AGBL1: variants seen among roughly 807,000 people sequenced by gnomAD.
AGBL1 encodes AGBL carboxypeptidase 1, also known as cytosolic carboxypeptidase 4.
AGBL1 carries 130 observed loss-of-function variants against 118.9 expected under a neutral mutation model. The observed-to-expected ratio is 1.09, with a 90% CI of 0.95 to 1.26. The LOEUF (loss-of-function observed/expected upper bound fraction) is 1.26. Ranked by LOEUF, AGBL1 falls within the 50% of genes most tolerant of loss-of-function variation. The pLI is 0.00. For missense variants in AGBL1, 1,584 were observed against 1,298.1 expected, an observed-to-expected ratio of 1.22 and a Z score of -3.38; for synonymous variants, 555 against 478.9, an observed-to-expected ratio of 1.16 and a Z score of -2.08.
intron 22 of AGBL1, among the ~76,000 whole-genome samples, chr15:86,816,548 G>T (rs2078860930): frequency 6.6e-6 from 1 of 152,208 alleles, no homozygotes; most frequent in African/African-American, 2.4e-5. Context: ...AAGAGAAGGT[G>T]ACAGGTAAAA....
chr15:86,702,036 C>G (rs954646960), intron 22 of AGBL1, among the ~76,000 whole-genome samples: 4 of 149,200 alleles, frequency 2.7e-5, no homozygotes, highest in Middle Eastern at 7.0e-3. Context: ...CTCTTTTCTT[C>G]TCTTCCCTCC....
At chr15:86,518,877 C>A (rs2083153566) in intron 18 of AGBL1, among the ~76,000 whole-genome samples, 1 of 151,276 alleles carries the variant, frequency 6.6e-6, no homozygotes, top group Non-Finnish European at 1.5e-5. Context: ...CATTTCAAAG[C>A]TAAAAATGCA....
At chr15:86,732,477 A>G (rs1273051068) in intron 22 of AGBL1, among the ~76,000 whole-genome samples, 1 of 152,156 alleles carries the variant, frequency 6.6e-6, no homozygotes, top group Non-Finnish European at 1.5e-5. Context: ...GCTCCCTAAT[A>G]TTCTTTCTAT....
intron 18 of AGBL1, among the ~76,000 whole-genome samples, chr15:86,454,756 A>G (rs547971024): frequency 6.6e-6 from 1 of 152,308 alleles, no homozygotes; most frequent in East Asian, 1.9e-4. Flanking sequence ...GCAAAGGGGC[A>G]TAAGGAAACT....
intron 17 of AGBL1, among the ~76,000 whole-genome samples, chr15:86,366,459 G>C (rs988170288): frequency 6.6e-6 from 1 of 152,166 alleles, no homozygotes; most frequent in Admixed American, 6.5e-5. Context: ...GAGGCAAAGA[G>C]AGGTTAATTG....
Position 86,582,561 on chromosome 15 carries a change from C to T in AGBL1, c.2994+28024C>T, listed in dbSNP as rs146517585. ...ATGCTGCTATAAAGACACATGCACA[C>T]GTATGTTTATTGAGGCACTATTCAC... On this transcript the variant is annotated intron_variant, in intron 21 of 22. Coordinates refer to ENST00000614907, the MANE Select transcript of AGBL1 (RefSeq NM_001386094.1). Among the ~76,000 whole-genome samples, 954 of 152,078 alleles carry T rather than the reference C, an allele frequency of 6.3e-3. 11 individuals carry two copies. Among genetic ancestry groups the T allele is most frequent in the African/African-American group, 0.021 (888 of 41,478 alleles).
chr15:86,095,842 T>A (rs1034761312), intron 1 of AGBL1, among the ~76,000 whole-genome samples: 1 of 152,056 alleles, frequency 6.6e-6, no homozygotes, highest in African/African-American at 2.4e-5. Flanking sequence ...AGACATGGGC[T>A]TAAATCTTGG....
intron 18 of AGBL1, among the ~76,000 whole-genome samples, chr15:86,436,760 GTTAA>G (rs886784170): frequency 6.6e-6 from 1 of 152,194 alleles, no homozygotes; most frequent in Non-Finnish European, 1.5e-5. Flanking sequence ...GGGACCAAAA[GTTAA>G]TTAGTTTAAT....
chr15:86,645,777 A>G (rs2085268028), intron 21 of AGBL1, among the ~76,000 whole-genome samples: 1 of 152,232 alleles, frequency 6.6e-6, no homozygotes, highest in Admixed American at 6.5e-5. Flanking sequence ...CAGAGCCTGC[A>G]TTACAATCTT....
chr15:86,120,649 A>G lies in AGBL1; in HGVS notation c.52-21355A>G, dbSNP rs182599343. On this transcript the variant is annotated intron_variant, in intron 1 of 22. Coordinates refer to ENST00000614907, the MANE Select transcript of AGBL1 (RefSeq NM_001386094.1). ...GTGCCACTGGCACAAATTGTTTCTC[A>G]CTAATTGTGGATCCCTAGTGACTAG... Among the ~76,000 whole-genome samples, 272 of 152,136 alleles carry G rather than the reference A, an allele frequency of 1.8e-3. 1 individual carries two copies. Among genetic ancestry groups the G allele is most frequent in the African/African-American group, 6.2e-3 (257 of 41,496 alleles).
chr15:86,412,480 G>C (rs1214551550), intron 18 of AGBL1, among the ~76,000 whole-genome samples: 2 of 152,038 alleles, frequency 1.3e-5, no homozygotes, highest in African/African-American at 4.8e-5. Flanking sequence ...TCAGTGTTTA[G>C]TCCTGATACA....
chr15:86,285,220 C>A (rs969298787), intron 16 of AGBL1, among the ~76,000 whole-genome samples: 1 of 152,078 alleles, frequency 6.6e-6, no homozygotes, highest in Non-Finnish European at 1.5e-5. Flanking sequence ...AAATAATCCC[C>A]TAAAAGTAGA....
At chr15:86,229,525 C>T (rs887531380) in intron 6 of AGBL1, among the ~76,000 whole-genome samples, 1 of 152,166 alleles carries the variant, frequency 6.6e-6, no homozygotes, top group Non-Finnish European at 1.5e-5. Flanking sequence ...GGGGACACAG[C>T]CAAACCATAT....
At chr15:86,852,449 TGA>T (rs1169195616) in intron 22 of AGBL1, among the ~76,000 whole-genome samples, 1 of 152,170 alleles carries the variant, frequency 6.6e-6, no homozygotes, top group Non-Finnish European at 1.5e-5. Flanking sequence ...GTCCATTTCC[TGA>T]GAGTCTCCTA....
intron 23 of AGBL1, among the ~76,000 whole-genome samples, chr15:86,985,604 T>C (rs2081273193): frequency 7.9e-6 from 1 of 125,822 alleles, no homozygotes; most frequent in African/African-American, 2.8e-5. Flanking sequence ...ATTTAGGATT[T>C]GTAAAAATTT....
At chr15:86,241,958 C>G (rs28619399) in intron 6 of AGBL1, among the ~76,000 whole-genome samples, 1 of 152,110 alleles carries the variant, frequency 6.6e-6, no homozygotes, top group African/African-American at 2.4e-5. Context: ...GGGAGGGACC[C>G]AGTGGGAGGT....
At chr15:86,614,076 C>G (rs1274721460) in intron 21 of AGBL1, among the ~76,000 whole-genome samples, 1 of 152,178 alleles carries the variant, frequency 6.6e-6, no homozygotes, top group East Asian at 1.9e-4. Flanking sequence ...CAACCCAGAA[C>G]TAGTTAGCTG....
intron 5 of AGBL1, among the ~76,000 whole-genome samples, chr15:86,169,612 A>G (rs1389577095): frequency 1.3e-5 from 2 of 152,242 alleles, no homozygotes; most frequent in African/African-American, 4.8e-5. Flanking sequence ...ATACTTTTAA[A>G]TCTTTAAATT....
rs1028268174 is a variant in AGBL1 at position 86,696,175 on chromosome 15, G to C, written c.3158+21739G>C. On this transcript the variant is annotated intron_variant, in intron 22 of 22. Coordinates refer to ENST00000614907, the MANE Select transcript of AGBL1 (RefSeq NM_001386094.1). ...TTTGACCTGCCTAGTGCTGTCAGTGGAGTATTGAACTTCCCCACTATTATT... is the reference window on the plus strand; with the variant it reads ...TTTGACCTGCCTAGTGCTGTCAGTGCAGTATTGAACTTCCCCACTATTATT... Among the ~76,000 whole-genome samples the C allele has an allele frequency of 5.9e-5, 9 of 152,014 alleles. No homozygotes were observed. In the South Asian group the frequency reaches 1.9e-3, roughly 32 times the overall value.
Sources: allele counts gnomAD v4.1 joint callset (sites outside exome capture counted in the v4.1 genomes callset), GRCh38; gene constraint gnomAD v4.1.1; transcripts MANE v1.5; gene names NCBI Gene and HGNC (gene_info 2026-07-23, HGNC 2026-07-21).